Variants in CYTH1 observed in about 807,000 individuals in gnomAD.
CYTH1 encodes cytohesin-1.
In CYTH1, 18 loss-of-function variants were observed where a neutral mutation model predicts 61.8. That is an observed-to-expected ratio of 0.29 (90% CI 0.20 to 0.43). CYTH1 has a LOEUF of 0.43. Ranked by LOEUF, CYTH1 falls within the 20% of genes least tolerant of loss-of-function variation. The pLI, the probability that CYTH1 is intolerant of heterozygous loss-of-function variation, is 1.00. For synonymous variants in CYTH1, 174 were observed against 184.3 expected, an observed-to-expected ratio of 0.94 and a Z score of 0.45; for missense variants, 336 against 510.5, an observed-to-expected ratio of 0.66 and a Z score of 3.29.
chr17:78,710,030 G>A (rs1226536244), intron 1 of CYTH1, among the ~76,000 whole-genome samples: 1 of 152,144 alleles, frequency 6.6e-6, no homozygotes, highest in Non-Finnish European at 1.5e-5. Context: ...TTAGCTGAGC[G>A]CCTGGCCATT....
chr17:78,742,517 G>T (rs2093345376), intron 1 of CYTH1, among the ~76,000 whole-genome samples: 1 of 152,186 alleles, frequency 6.6e-6, no homozygotes, highest in Non-Finnish European at 1.5e-5. Context: ...AGCTATGATT[G>T]TGCTGTTGCA....
chr17:78,761,223 C>CT (rs1425331859), intron 1 of CYTH1, among the ~76,000 whole-genome samples: 1 of 152,208 alleles, frequency 6.6e-6, no homozygotes, highest in Admixed American at 6.5e-5. Flanking sequence ...TCCCCACCTT[C>CT]TGAGTCCCAA....
chr17:78,702,827 C>A (rs1369202643), intron 3 of CYTH1, among the ~76,000 whole-genome samples: 2 of 152,074 alleles, frequency 1.3e-5, no homozygotes, highest in Non-Finnish European at 2.9e-5. Context: ...CAGAGGTTTT[C>A]TTTATTTTTT....
At chr17:78,753,530 T>G (rs1428977812) in intron 1 of CYTH1, among the ~76,000 whole-genome samples, 1 of 122,330 alleles carries the variant, frequency 8.2e-6, no homozygotes, top group African/African-American at 3.3e-5. Flanking sequence ...AATAAATAAA[T>G]AAAGATAACA....
At chr17:78,731,858 T>C (rs1306960441) in intron 1 of CYTH1, among the ~76,000 whole-genome samples, 1 of 151,800 alleles carries the variant, frequency 6.6e-6, no homozygotes, top group African/African-American at 2.4e-5. Flanking sequence ...TCCAGTAAAG[T>C]TGCCTTTGCA....
At chr17:78,676,720 G>C (rs546885772) in intron 13 of CYTH1, 4 of 336,142 alleles carry the variant, frequency 1.2e-5, no homozygotes, top group Admixed American at 8.3e-5. Context: ...TGGACAGACC[G>C]GCTGGACCTG....
chr17:78,731,583 C>A (rs1042102054), intron 1 of CYTH1, among the ~76,000 whole-genome samples: 1 of 151,860 alleles, frequency 6.6e-6, no homozygotes. Flanking sequence ...CACGGTGAAA[C>A]CCCGTCTCTA....
chr17:78,759,187 C>A (rs186731380), intron 1 of CYTH1, among the ~76,000 whole-genome samples: 1 of 152,170 alleles, frequency 6.6e-6, no homozygotes, highest in Admixed American at 6.5e-5. Flanking sequence ...TGTAGCCAAT[C>A]GAAGCCCACT....
At position 78,760,405 on chromosome 17, in the gene CYTH1, ATGTG is replaced by A. The variant is rs1173412567; in HGVS notation, c.22+21793_22+21796del. Among the ~76,000 whole-genome samples, 185 of 53,958 alleles carry A rather than the reference ATGTG, an allele frequency of 3.4e-3. 9 individuals carry two copies. The highest frequency in any genetic ancestry group is 4.7e-3 in the African/African-American group (74 of 15,836). 35.4% of individuals were successfully genotyped at this position (53,958 alleles called of 152,430 possible). ...TATATACACACACATACATATATAT[ATGTG>A]TATATATATATATATACACATACAT... is the stretch of plus-strand genomic sequence containing the variant. On this transcript the variant is annotated intron_variant, in intron 1 of 13. Transcript: ENST00000446868.
At chr17:78,683,686 T>C (rs2092786902) in intron 11 of CYTH1, among the ~76,000 whole-genome samples, 2 of 152,200 alleles carry the variant, frequency 1.3e-5, no homozygotes, top group African/African-American at 4.8e-5. Flanking sequence ...CCAGAAATGC[T>C]TGGTCAGTCT....
chr17:78,771,850 C>T (rs1308068674), intron 1 of CYTH1, among the ~76,000 whole-genome samples: 4 of 152,080 alleles, frequency 2.6e-5, no homozygotes, highest in Admixed American at 6.6e-5. Context: ...TAATAACCAT[C>T]TCACTACCAT....
chr17:78,774,973 T>C (rs1018154271), intron 1 of CYTH1, among the ~76,000 whole-genome samples: 9 of 152,178 alleles, frequency 5.9e-5, no homozygotes, highest in African/African-American at 2.2e-4. Context: ...GGAAATCGGG[T>C]TAGAACTGCC....
intron 1 of CYTH1, among the ~76,000 whole-genome samples, chr17:78,734,075 C>T (rs2093308426): frequency 6.6e-6 from 1 of 152,062 alleles, no homozygotes; most frequent in South Asian, 2.1e-4. Context: ...CATGGTGAAA[C>T]CTCGTCTCTG....
At chr17:78,681,498 C>T (rs1170858828) in intron 11 of CYTH1, among the ~76,000 whole-genome samples, 2 of 152,144 alleles carry the variant, frequency 1.3e-5, no homozygotes, top group South Asian at 2.1e-4. Flanking sequence ...CTCTGTCCAT[C>T]GCCCCACCGC....
chr17:78,782,230 G>A lies in CYTH1; in HGVS notation c.-7C>T. On this transcript the variant is annotated 5_prime_UTR_variant, in exon 1 of 14. Transcript: ENST00000446868. ...AGCTGTCGTCCTCCTCCATGGTGCG[G>A]GAGCCGGGCTCCGCGCTCCGGCTCG... 1 of 1,325,696 alleles carries A rather than the reference G, an allele frequency of 7.5e-7. No homozygotes were observed. Among genetic ancestry groups the A allele is most frequent in the Non-Finnish European group, 9.8e-7 (1 of 1,022,694 alleles). The allele number at this position is 1,325,696 out of a possible 1,614,324, so 82.1% of individuals were successfully genotyped here.
At chr17:78,711,306 T>TACAC (rs1270598813) in intron 1 of CYTH1, among the ~76,000 whole-genome samples, 1 of 98,706 alleles carries the variant, frequency 1.0e-5, no homozygotes, top group African/African-American at 3.9e-5. Context: ...ATAAATAATA[T>TACAC]ATATATATAC....
rs927765564 is a variant in CYTH1 at position 78,675,890 on chromosome 17, G to A, written c.*201C>T. On this transcript the variant is annotated 3_prime_UTR_variant, in exon 14 of 14. Coordinates refer to ENST00000446868, the MANE Select transcript of CYTH1 (RefSeq NM_004762.6). ...AGGCTCTGGAGCCCATGCTGGACAG[G>A]TGGCCGGTCCTCTCTTCCCCAGTGA... 2 of 1,497,392 alleles carry A rather than the reference G, an allele frequency of 1.3e-6. No homozygotes were observed. Among genetic ancestry groups the A allele is most frequent in the East Asian group, 2.5e-5 (1 of 40,544 alleles). 92.8% of individuals were successfully genotyped at this position (1,497,392 alleles called of 1,614,324 possible).
chr17:78,736,793 GT>G, intron 1 of CYTH1: 1 of 332,364 alleles, frequency 3.0e-6, no homozygotes, highest in South Asian at 2.2e-5. Flanking sequence ...TGGGAGCCAA[GT>G]TTTCCTGTGG....
At chr17:78,740,271 TC>T (rs1274160158) in intron 1 of CYTH1, among the ~76,000 whole-genome samples, 2 of 152,028 alleles carry the variant, frequency 1.3e-5, no homozygotes, top group Non-Finnish European at 2.9e-5. Context: ...GCCAACCAGG[TC>T]CCCCATCTCC....
Sources: gnomAD v4.1 joint callset for allele counts (sites outside exome capture counted in the v4.1 genomes callset) on GRCh38, gnomAD v4.1.1 for gene constraint, MANE v1.5 for transcripts, NCBI Gene and HGNC (gene_info 2026-07-23, HGNC 2026-07-21) for gene names.